RBBP5: variants seen among roughly 807,000 people sequenced by gnomAD.
RBBP5 encodes retinoblastoma-binding protein 5.
In RBBP5, 5 loss-of-function variants were observed where a neutral mutation model predicts 72.2. That is an observed-to-expected ratio of 0.07 (90% CI 0.04 to 0.15). RBBP5 has a LOEUF of 0.15. Among genes scored for constraint, RBBP5 ranks in the 10% least tolerant of loss-of-function variants. The pLI, the probability that RBBP5 is intolerant of heterozygous loss-of-function variation, is 1.00. For synonymous variants in RBBP5, 209 were observed against 237.2 expected, an observed-to-expected ratio of 0.88 and a Z score of 1.09; for missense variants, 322 against 652.2, an observed-to-expected ratio of 0.49 and a Z score of 5.51.
At position 205,121,878 on chromosome 1, in the gene RBBP5, G is replaced by T; in HGVS notation, c.-5C>A. ...ACCCAGCAACTCGAGGTTCATCCCT[G>T]CGGACTGTGGCCGCCCGGTCTCAGC... On this transcript the variant is annotated 5_prime_UTR_variant, in exon 1 of 14. Coordinates refer to ENST00000264515, the MANE Select transcript of RBBP5 (RefSeq NM_005057.4). 6.2e-7 allele frequency: 1 copy of T among 1,611,026 alleles called. No individual in the cohort carries two copies.
rs1434800858 is a variant in RBBP5, at chr1:205,100,303, G to A, written c.633-32C>T. ...GAAGGATAAAAATATCAACACCAGA[G>A]GTCAGAAATCTGTTCCTTAGTACTA... is the stretch of plus-strand genomic sequence containing the variant. On this transcript the variant is annotated intron_variant, in intron 6 of 13. Transcript: ENST00000264515. The A allele has an allele frequency of 1.4e-5, 23 of 1,609,528 alleles. No homozygotes were observed. In the Admixed American group the frequency reaches 3.8e-4, roughly 27 times the overall value.
At chr1:205,088,957 C>T (rs1430368642) in intron 13 of RBBP5, 142 bp from the exon 14 acceptor site, 4 of 673,238 alleles carry the variant, frequency 5.9e-6, no homozygotes, top group Non-Finnish European at 9.7e-6. Context: ...AATACATAAC[C>T]AACTCCAACT....
intron 12 of RBBP5, among the ~76,000 whole-genome samples, chr1:205,095,969 G>T (rs780238638): frequency 6.6e-6 from 1 of 152,112 alleles, no homozygotes; most frequent in African/African-American, 2.4e-5. Context: ...GAGGCAGGCG[G>T]ATCACTTGAG....
At chr1:205,121,832 A>G in intron 1 of RBBP5, 23 bp downstream of exon 1, 1 of 1,612,304 alleles carries the variant, frequency 6.2e-7, no homozygotes, top group Non-Finnish European at 8.5e-7. Context: ...GCTTCTCTAA[A>G]ACGCAGCCAC....
chr1:205,099,883 A>C lies in RBBP5; in HGVS notation c.906+28T>G. On this transcript the variant is annotated intron_variant, in intron 8 of 13. Transcript: ENST00000264515. This position sits in a 1 kb window ranked among gnomAD's most constrained non-coding sequence, Gnocchi z 4.7. ...TTTAGATTTTTTGGATTATGTGACT[A>C]ACAAAAGCAATGTCCTAATGTACTC... 1 of 1,613,764 alleles carries C rather than the reference A, an allele frequency of 6.2e-7. No homozygotes were observed. Among genetic ancestry groups the C allele is most frequent in the Non-Finnish European group, 8.5e-7 (1 of 1,179,708 alleles).
In RBBP5 at chr1:205,087,539, C is replaced by T. The variant is rs1377738805; in HGVS notation, c.*1248G>A. 1 of 141,598 alleles carries T rather than the reference C, an allele frequency of 7.1e-6. No individual in the cohort carries two copies. The highest frequency in any genetic ancestry group is 1.5e-5 in the Non-Finnish European group (1 of 66,752). 8.8% of individuals were successfully genotyped at this position (141,598 alleles called of 1,614,324 possible). On this transcript the variant is annotated 3_prime_UTR_variant, in exon 14 of 14. Coordinates refer to ENST00000264515, the MANE Select transcript of RBBP5 (RefSeq NM_005057.4). ...ACAGTAAGCACAGTATTTAAATTCTCCTTTTAAAATATTGAAAAAAAAAAA... is the reference window on the plus strand; with the variant it reads ...ACAGTAAGCACAGTATTTAAATTCTTCTTTTAAAATATTGAAAAAAAAAAA...
chr1:205,116,129 G>T, intron 1 of RBBP5: 2 of 647,226 alleles, frequency 3.1e-6, no homozygotes, highest in Non-Finnish European at 5.0e-6. Context: ...AACAGAGTGA[G>T]GGCAGAAGCA....
rs148983312 is a variant in RBBP5, at chr1:205,120,690, G to A, written c.19+1165C>T. Among the ~76,000 whole-genome samples the A allele has an allele frequency of 9.2e-3, 1,391 of 151,956 alleles. 11 individuals carry two copies. The highest frequency in any genetic ancestry group is 0.015 in the Non-Finnish European group (1,012 of 67,966). ...CCAGCTACTCAGGAGGCTGAGGCACGAGAATCACTCGAACCCAGGAGACAG... is the reference window on the plus strand; with the variant it reads ...CCAGCTACTCAGGAGGCTGAGGCACAAGAATCACTCGAACCCAGGAGACAG... On this transcript the variant is annotated intron_variant, in intron 1 of 13. Transcript: ENST00000264515.
chr1:205,088,232 T>C lies in RBBP5; in HGVS notation c.*555A>G, dbSNP rs550598127. ...GCCTTCGTTGTTCCCTTTCTGAAAA[T>C]TTGAAATCTTTCAAGCACTTTCTTT... On this transcript the variant is annotated 3_prime_UTR_variant, in exon 14 of 14. Coordinates refer to ENST00000264515, the MANE Select transcript of RBBP5 (RefSeq NM_005057.4). 6.6e-6 allele frequency: 1 copy of C among 152,420 alleles called. No individual in the cohort carries two copies. Among genetic ancestry groups the C allele is most frequent in the South Asian group, 2.1e-4 (1 of 4,824 alleles). 9.4% of individuals were successfully genotyped at this position (152,420 alleles called of 1,614,324 possible).
intron 3 of RBBP5, among the ~76,000 whole-genome samples, chr1:205,108,632 A>T (rs1656176733): frequency 6.6e-6 from 1 of 152,196 alleles, no homozygotes; most frequent in South Asian, 2.1e-4. Context: ...TAAAAAAGTA[A>T]CCCAAAACCG....
At chr1:205,116,339 G>A in intron 1 of RBBP5, 1 of 372,388 alleles carries the variant, frequency 2.7e-6, no homozygotes. Context: ...CTTCTAAATT[G>A]GTAAACACTG....
At chr1:205,103,736 T>G (rs1326650366) in intron 5 of RBBP5, 121 bp downstream of exon 5, 2 of 1,142,632 alleles carry the variant, frequency 1.8e-6, no homozygotes, top group Non-Finnish European at 2.5e-6. Flanking sequence ...TAGACTACAT[T>G]TGCTGCAGAA....
intron 3 of RBBP5, among the ~76,000 whole-genome samples, chr1:205,106,209 C>G (rs577566831): frequency 2.6e-5 from 4 of 152,322 alleles, no homozygotes; most frequent in African/African-American, 9.6e-5. Context: ...AAGAAGAAAC[C>G]TGGACTTTCA....
chr1:205,103,829 T>C, intron 5 of RBBP5, 28 bp downstream of exon 5: 2 of 1,602,228 alleles, frequency 1.2e-6, no homozygotes, highest in South Asian at 1.1e-5. Flanking sequence ...GTGTACAAGA[T>C]GCCTGATTTG....
At chr1:205,089,523 T>C (rs1233681504) in intron 13 of RBBP5, among the ~76,000 whole-genome samples, 1 of 152,170 alleles carries the variant, frequency 6.6e-6, no homozygotes, top group East Asian at 1.9e-4. Flanking sequence ...CAGGTGTCAT[T>C]TGGAATGGCA....
rs1368562233 is a variant in RBBP5 at position 205,096,675 on chromosome 1, C to T, written c.1396+7G>A. 1.9e-6 allele frequency: 3 copies of T among 1,612,520 alleles called. No homozygotes were observed. Among genetic ancestry groups the T allele is most frequent in the Non-Finnish European group, 2.5e-6 (3 of 1,178,972 alleles). ...GCCAGGCCAGAGGGAGAAGATGTAGCTCTTACCATCATTTGGTACTCCTTG... is the reference window on the plus strand; with the variant it reads ...GCCAGGCCAGAGGGAGAAGATGTAGTTCTTACCATCATTTGGTACTCCTTG... On this transcript the variant is annotated splice_region_variant and intron_variant, in intron 12 of 13. Coordinates refer to ENST00000264515, the MANE Select transcript of RBBP5 (RefSeq NM_005057.4).
Position 205,107,229 on chromosome 1 carries a change from T to C in RBBP5, c.219-2061A>G, listed in dbSNP as rs1237706321. 2.0e-5 allele frequency among the ~76,000 whole-genome samples: 3 copies of C among 152,192 alleles called. No homozygotes were observed. In the East Asian group the frequency reaches 5.8e-4, roughly 29 times the overall value. Reference sequence around the variant, plus strand: ...ATGTTAAGGTTATTTGAAGAAATAATGGCTGAAAATTTCCTAAATCTGGCA... The same window carrying C: ...ATGTTAAGGTTATTTGAAGAAATAACGGCTGAAAATTTCCTAAATCTGGCA... On this transcript the variant is annotated intron_variant, in intron 3 of 13. Coordinates refer to ENST00000264515, the MANE Select transcript of RBBP5 (RefSeq NM_005057.4).
chr1:205,117,019 T>G (rs1656552097), intron 1 of RBBP5, among the ~76,000 whole-genome samples: 2 of 150,784 alleles, frequency 1.3e-5, no homozygotes, highest in South Asian at 4.2e-4. Flanking sequence ...TTTTTTTGGG[T>G]TTTTTTTTGT....
chr1:205,115,709 G>T, intron 2 of RBBP5, 149 bp downstream of exon 2: 1 of 1,060,468 alleles, frequency 9.4e-7, no homozygotes. Context: ...GATCAAAATT[G>T]TACACTAGCT....
Sources: allele counts gnomAD v4.1 joint callset (sites outside exome capture counted in the v4.1 genomes callset), GRCh38; gene constraint gnomAD v4.1.1; non-coding constraint Gnocchi (gnomAD v3.1); transcripts MANE v1.5; gene names NCBI Gene and HGNC (gene_info 2026-07-23, HGNC 2026-07-21).